The following ERCC6L2 variants were observed in gnomAD, a reference collection of about 807,000 sequenced individuals.
ERCC6L2 encodes ERCC excision repair 6 like 2.
ERCC6L2 carries 77 observed loss-of-function variants against 132.0 expected under a neutral mutation model. The observed-to-expected ratio is 0.58, with a 90% CI of 0.49 to 0.71. The LOEUF (loss-of-function observed/expected upper bound fraction) is 0.71, where lower values mean the gene tolerates loss of function less well. Among genes scored for constraint, ERCC6L2 ranks in the 30% least tolerant of loss-of-function variants. ERCC6L2 has a pLI of 0.00. For missense variants in ERCC6L2, 1,542 were observed against 1,837.6 expected, an observed-to-expected ratio of 0.84 and a Z score of 2.94; for synonymous variants, 583 against 632.4, an observed-to-expected ratio of 0.92 and a Z score of 1.17.
intron 12 of ERCC6L2, among the ~76,000 whole-genome samples, chr9:95,941,869 G>A (rs898828697): frequency 3.9e-5 from 6 of 152,174 alleles, no homozygotes. Context: ...TAGAAAGCAA[G>A]TAGAATCTGT....
chr9:95,915,979 G>T lies in ERCC6L2; in HGVS notation c.950+150G>T, dbSNP rs145486587. On this transcript the variant is annotated intron_variant, in intron 5 of 18. Transcript: ENST00000653738. ...CCAGATGTGGTATACACAGTAGAGA[G>T]TCCCATGAAAACCTATCTTTATATA... 367 of 840,542 alleles carry T rather than the reference G, an allele frequency of 4.4e-4. No homozygotes were observed. In the African/African-American group the frequency reaches 5.6e-3, roughly 13 times the overall value. 52.1% of individuals were successfully genotyped at this position (840,542 alleles called of 1,614,324 possible).
intron 17 of ERCC6L2, among the ~76,000 whole-genome samples, chr9:96,004,210 A>G (rs955833106): frequency 1.5e-4 from 23 of 152,246 alleles, no homozygotes; most frequent in Admixed American, 1.5e-3. Context: ...CATAGTGTAT[A>G]TAATCATTAA....
In ERCC6L2 at chr9:95,888,171, G is replaced by A. The variant is rs1429168161; in HGVS notation, c.471+6878G>A. Among the ~76,000 whole-genome samples the A allele has an allele frequency of 2.0e-5, 3 of 151,248 alleles. No individual in the cohort carries two copies. In the East Asian group the frequency reaches 5.9e-4, roughly 30 times the overall value. On this transcript the variant is annotated intron_variant, in intron 2 of 18. Coordinates refer to ENST00000653738, the MANE Select transcript of ERCC6L2 (RefSeq NM_020207.7). ...TCCCAGGAAGTTGAAAAATAAGGTA[G>A]TAAACATTTTTTTCTTTTTGTTCTG...
chr9:95,903,168 T>G (rs1336999645), intron 3 of ERCC6L2, among the ~76,000 whole-genome samples: 1 of 152,088 alleles, frequency 6.6e-6, no homozygotes, highest in Non-Finnish European at 1.5e-5. Flanking sequence ...AATCCAATTT[T>G]ATTTTCCTCA....
intron 4 of ERCC6L2, among the ~76,000 whole-genome samples, chr9:95,907,850 C>CAA (rs1829137697): frequency 4.7e-5 from 7 of 150,310 alleles, no homozygotes; most frequent in African/African-American, 1.5e-4. Flanking sequence ...CACACACACA[C>CAA]ACACACCCCC....
intron 19 of ERCC6L2, among the ~76,000 whole-genome samples, chr9:96,025,064 T>G (rs1477853998): frequency 5.3e-5 from 8 of 152,230 alleles, no homozygotes; most frequent in African/African-American, 1.9e-4. Context: ...CTGGAATAGC[T>G]TCAAGTCTTT....
chr9:96,021,695 G>A (rs555250832), downstream of ERCC6L2: 4 of 152,208 alleles, frequency 2.6e-5, no homozygotes, highest in East Asian at 7.8e-4. This position sits in a 1 kb window ranked among gnomAD's most constrained non-coding sequence, Gnocchi z 4.7. Flanking sequence ...CCCCGCCCTG[G>A]ATGGCGGCCT....
intron 6 of ERCC6L2, chr9:95,918,235 A>G (rs1169350057): frequency 8.9e-6 from 4 of 447,016 alleles, no homozygotes; most frequent in Admixed American, 4.8e-5. Context: ...GATTAAGGTC[A>G]CCATTGCAGG....
chr9:95,892,407 C>T (rs183458003), intron 2 of ERCC6L2, among the ~76,000 whole-genome samples: 62 of 145,300 alleles, frequency 4.3e-4, no homozygotes, highest in African/African-American at 1.5e-3. Context: ...TCAAGTTTCT[C>T]GGTGAAGTGT....
At chr9:95,941,787 A>G (rs1384879380) in intron 12 of ERCC6L2, among the ~76,000 whole-genome samples, 1 of 152,180 alleles carries the variant, frequency 6.6e-6, no homozygotes, top group Non-Finnish European at 1.5e-5. Flanking sequence ...GAAAGAATAA[A>G]TTCCTAATAC....
intron 4 of ERCC6L2, among the ~76,000 whole-genome samples, chr9:95,914,418 A>G (rs1051527791): frequency 6.6e-6 from 1 of 152,048 alleles, no homozygotes; most frequent in Admixed American, 6.6e-5. Flanking sequence ...CAGTGGCGCA[A>G]TCTGGGCTCA....
At chr9:95,965,470 C>G (rs556643346) in intron 13 of ERCC6L2, among the ~76,000 whole-genome samples, 1 of 152,122 alleles carries the variant, frequency 6.6e-6, no homozygotes, top group Non-Finnish European at 1.5e-5. Context: ...TAACTTATTA[C>G]AGTGCAAATG....
Position 96,017,738 on chromosome 9 carries a change from G to T in ERCC6L2, c.*4535G>T, listed in dbSNP as rs746726670. ...TCTGTATGCAGCTGAGCTCATGATG[G>T]AGCCCACTGTGTGCTTTTTGTTGTT... On this transcript the variant is annotated 3_prime_UTR_variant, in exon 19 of 19. Coordinates refer to ENST00000653738, the MANE Select transcript of ERCC6L2 (RefSeq NM_020207.7). Among the ~76,000 whole-genome samples, 7 of 152,152 alleles carry T rather than the reference G, an allele frequency of 4.6e-5. No individual in the cohort carries two copies. Among genetic ancestry groups the T allele is most frequent in the Non-Finnish European group, 1.0e-4 (7 of 68,030 alleles).
At chr9:96,006,419 C>T (rs1476557373) in intron 18 of ERCC6L2, among the ~76,000 whole-genome samples, 3 of 152,248 alleles carry the variant, frequency 2.0e-5, no homozygotes, top group African/African-American at 7.2e-5. Flanking sequence ...GGCACCTTGG[C>T]AGGAGCAGCC....
downstream of ERCC6L2, chr9:96,021,313 T>C (rs917573076): frequency 4.8e-5 from 16 of 330,216 alleles, no homozygotes; most frequent in Non-Finnish European, 7.6e-5. This position sits in a 1 kb window ranked among gnomAD's most constrained non-coding sequence, Gnocchi z 4.7. Context: ...AGCGATTAAC[T>C]GATGGCTTGG....
At chr9:95,937,395 A>G (rs979679687) in intron 11 of ERCC6L2, among the ~76,000 whole-genome samples, 2 of 152,020 alleles carry the variant, frequency 1.3e-5, no homozygotes, top group African/African-American at 2.4e-5. Context: ...ACATCTTTTC[A>G]TGTGCTTCTT....
intron 11 of ERCC6L2, among the ~76,000 whole-genome samples, chr9:95,938,362 T>G (rs1489316570): frequency 6.6e-6 from 1 of 152,066 alleles, no homozygotes; most frequent in Non-Finnish European, 1.5e-5. Context: ...GCGTATGTCA[T>G]TGGTTGGTCA....
In ERCC6L2 at chr9:95,907,183, A is replaced by G; in HGVS notation, c.700A>G (p.Asn234Asp). ...TGTTTTACATGGAAACAGAAAAGAT[A>G]ATGAATTAATTCGTGTAAAGCAGAG... ...VTVLHGNRKDNELIRVKQRKC... is the reference protein window; with the variant it reads ...VTVLHGNRKDDELIRVKQRKC... The change falls in exon 4 of 19, where the codon AAT becomes GAT. Residue 234 changes from asparagine to aspartate, a missense_variant. By Grantham distance (23) the Asn-to-Asp change is conservative (BLOSUM62 1). This residue lies in a region of ERCC6L2 where 945 missense variants were observed against 1,105.2 expected (regional missense o/e 0.86). Transcript: ENST00000653738. 2 of 1,613,524 alleles carry G rather than the reference A, an allele frequency of 1.2e-6. No individual in the cohort carries two copies. Among genetic ancestry groups the G allele is most frequent in the Non-Finnish European group, 1.7e-6 (2 of 1,179,710 alleles).
downstream of ERCC6L2, among the ~76,000 whole-genome samples, chr9:96,018,467 TTC>T (rs199818072): frequency 1.4e-5 from 2 of 139,900 alleles, no homozygotes; most frequent in Non-Finnish European, 3.3e-5. Flanking sequence ...AGCATTGTTT[TTC>T]TTTTTTTGTA....
Sources: gnomAD v4.1 joint callset for allele counts (sites outside exome capture counted in the v4.1 genomes callset) on GRCh38, gnomAD v4.1.1 for gene constraint, gnomAD v4.1.1 regional missense constraint, Gnocchi (gnomAD v3.1) non-coding constraint, MANE v1.5 for transcripts, NCBI Gene and HGNC (gene_info 2026-07-23, HGNC 2026-07-21) for gene names.